Variants in PCNX1 observed in about 807,000 individuals in gnomAD.
The protein encoded by PCNX1 is pecanex-like protein 1.
In PCNX1, 78 loss-of-function variants were observed where a neutral mutation model predicts 242.2. The ratio of observed to expected loss-of-function variants is 0.32; its 90% CI spans 0.27 to 0.39. The LOEUF (loss-of-function observed/expected upper bound fraction) is 0.39, where lower values mean the gene tolerates loss of function less well. PCNX1 is among the 10% of genes least tolerant of loss of function. The probability of loss-of-function intolerance (pLI) is 1.00; values close to 1 mark genes in which losing one functional copy is unlikely to be tolerated. For synonymous variants in PCNX1, 1,024 were observed against 1,032.9 expected, an observed-to-expected ratio of 0.99 and a Z score of 0.17; for missense variants, 2,581 against 2,856.5, an observed-to-expected ratio of 0.90 and a Z score of 2.20.
Position 71,055,528 on chromosome 14 carries a change from T to TACC in PCNX1, c.4604_4606dup (p.Thr1535dup). On this transcript the variant is annotated inframe_insertion, in exon 25 of 36. Coordinates refer to ENST00000304743, the MANE Select transcript of PCNX1 (RefSeq NM_014982.3). ...GCACAAAACGAGTGGATCATTCAAA[T>TACC]ACCAGATTGGCTTCCCAGCTTGATA... 6.2e-7 allele frequency: 1 copy of TACC among 1,606,744 alleles called. No individual in the cohort carries two copies. Among genetic ancestry groups the TACC allele is most frequent in the Non-Finnish European group, 8.5e-7 (1 of 1,174,098 alleles).
intron 7 of PCNX1, among the ~76,000 whole-genome samples, chr14:70,989,805 T>C (rs1311773651): frequency 2.0e-5 from 3 of 152,186 alleles, no homozygotes; most frequent in Non-Finnish European, 4.4e-5. Flanking sequence ...GTGCTGGAAT[T>C]AGGGGCATGA....
rs1227091922 is a variant in PCNX1 at position 71,052,042 on chromosome 14, T to C, written c.4577+30T>C. The C allele has an allele frequency of 1.9e-6, 3 of 1,554,710 alleles. No individual in the cohort carries two copies. The African/African-American group carries it at 4.1e-5, about 21-fold the overall frequency. Reference sequence around the variant, plus strand: ...GTAAAGTAAAACACTTGAAAAACAATTTTTATCTTTCCTACTGGGAAAAAC... The same window carrying C: ...GTAAAGTAAAACACTTGAAAAACAACTTTTATCTTTCCTACTGGGAAAAAC... On this transcript the variant is annotated intron_variant, in intron 24 of 35. Transcript: ENST00000304743.
chr14:71,102,064 C>T lies in PCNX1; in HGVS notation c.5664C>T (p.Asn1888=). 2.5e-6 allele frequency: 4 copies of T among 1,613,834 alleles called. No homozygotes were observed. The highest frequency in any genetic ancestry group is 2.2e-5 in the East Asian group (1 of 44,884). ...LYEAIVSHEK[N]LVIAHEGDPA... ...AAGCCATAGTATCTCATGAGAAGAA[C>T]CTCGTAATAGCCCATGAAGGGGACC... The change falls in exon 31 of 36, where the codon AAC becomes AAT. Residue 1888 remains asparagine (N), a synonymous_variant. Coordinates refer to ENST00000304743, the MANE Select transcript of PCNX1 (RefSeq NM_014982.3).
chr14:71,015,001 TTTA>T (rs2059923187), intron 11 of PCNX1, among the ~76,000 whole-genome samples: 1 of 152,160 alleles, frequency 6.6e-6, no homozygotes, highest in Non-Finnish European at 1.5e-5. Context: ...AGACATCCTT[TTTA>T]TTGTTGGAAA....
intron 5 of PCNX1, among the ~76,000 whole-genome samples, chr14:70,972,863 G>A (rs1434607988): frequency 6.6e-6 from 1 of 152,194 alleles, no homozygotes; most frequent in Non-Finnish European, 1.5e-5. Context: ...CTGGGTAGAA[G>A]GTAGAGGAAC....
At chr14:71,013,432 G>A (rs2059876143) in intron 11 of PCNX1, among the ~76,000 whole-genome samples, 1 of 152,012 alleles carries the variant, frequency 6.6e-6, no homozygotes, top group Non-Finnish European at 1.5e-5. Flanking sequence ...AATTAGTTTT[G>A]TTAATCAGTG....
At position 71,076,294 on chromosome 14, in the gene PCNX1, G is replaced by T; in HGVS notation, c.5212G>T (p.Val1738Leu). The T allele has an allele frequency of 6.2e-7, 1 of 1,613,930 alleles. No individual in the cohort carries two copies. ...RLCADRNYVD[V>L]DPTFNPNIDE... ...GTGTGCTGATCGCAATTATGTCGAT[G>T]TGGACCCGACCTTTAATCCAAACAT... The change falls in exon 28 of 36, where the codon GTG becomes TTG. Residue 1738 changes from valine (V) to leucine (L), a missense_variant. By Grantham distance (32) the Val-to-Leu change is conservative. Transcript: ENST00000304743.
chr14:70,964,989 T>C (rs1201352779), intron 3 of PCNX1, among the ~76,000 whole-genome samples: 2 of 152,228 alleles, frequency 1.3e-5, no homozygotes, highest in African/African-American at 4.8e-5. Context: ...ATTATAGACA[T>C]ACTGTTGTTT....
chr14:71,030,073 G>A (rs1039685828), intron 16 of PCNX1, among the ~76,000 whole-genome samples: 2 of 152,102 alleles, frequency 1.3e-5, no homozygotes, highest in East Asian at 1.9e-4. Flanking sequence ...TCGTTGTGCT[G>A]GACATCTTTT....
intron 1 of PCNX1, among the ~76,000 whole-genome samples, chr14:70,936,049 G>C (rs1000677575): frequency 3.9e-5 from 6 of 152,110 alleles, no homozygotes; most frequent in Admixed American, 1.3e-4. Context: ...CTCAGAAAAG[G>C]CTATTCAGAG....
rs1229239778 is a variant in PCNX1 at position 70,907,993 on chromosome 14, C to T, written c.143C>T (p.Thr48Ile). The T allele has an allele frequency of 1.1e-5, 18 of 1,594,436 alleles. No individual in the cohort carries two copies. Among genetic ancestry groups the T allele is most frequent in the East Asian group, 2.4e-5 (1 of 41,852 alleles). Residue 48 changes from threonine (T) to isoleucine (I), a missense_variant, in exon 1 of 36, where the codon ACC becomes ATC. Thr to Ile is a moderately conservative substitution (Grantham distance 89, BLOSUM62 -1). This residue lies in a region of PCNX1 where 1,204 missense variants were observed against 1,216.7 expected (regional missense o/e 0.99). Transcript: ENST00000304743. Reference sequence around the variant, plus strand: ...CTCTTTCTGCTGGGCCTGCCCTTCACCCTCTACATGGTGAGTGTGGGGGCG... The same window carrying T: ...CTCTTTCTGCTGGGCCTGCCCTTCATCCTCTACATGGTGAGTGTGGGGGCG... ...LWLFLLGLPF[T>I]LYMALPSTMI...
Position 71,114,293 on chromosome 14 carries a change from T to TTGA in PCNX1, c.*4360_*4362dup, listed in dbSNP as rs2062811460. 6.6e-6 allele frequency: 1 copy of TTGA among 152,164 alleles called. No homozygotes were observed. Among genetic ancestry groups the TTGA allele is most frequent in the Non-Finnish European group, 1.5e-5 (1 of 68,032 alleles). 9.4% of individuals were successfully genotyped at this position (152,164 alleles called of 1,614,324 possible). A position where few individuals can be genotyped will look rare whatever the true frequency, so the allele number is the denominator to read the frequency against. On this transcript the variant is annotated 3_prime_UTR_variant, in exon 36 of 36. Coordinates refer to ENST00000304743, the MANE Select transcript of PCNX1 (RefSeq NM_014982.3). The stretch of plus-strand genomic sequence containing the variant: ...TCTTTTTTGTTTGTTTTTAATTTGG[T>TTGA]TGATTGATATGCACCCAGGCCGTCT...
rs36159824 is a variant in PCNX1, at chr14:70,949,193, CAT to C, written c.362+2072_362+2073del. ...ATGCTTATACATCTCAGCATTTACT[CAT>C]AGTGTGTATATACACATGTATATAT... On this transcript the variant is annotated intron_variant, in intron 2 of 35. Coordinates refer to ENST00000304743, the MANE Select transcript of PCNX1 (RefSeq NM_014982.3). Among the ~76,000 whole-genome samples the C allele has an allele frequency of 6.5e-4, 90 of 139,080 alleles. 1 individual carries two copies. The highest frequency in any genetic ancestry group is 4.1e-3 in the Middle Eastern group (1 of 246). 91.2% of individuals were successfully genotyped at this position (139,080 alleles called of 152,430 possible).
intron 2 of PCNX1, among the ~76,000 whole-genome samples, chr14:70,961,755 C>G (rs1163038067): frequency 2.0e-5 from 3 of 152,134 alleles, no homozygotes; most frequent in East Asian, 3.9e-4. Flanking sequence ...GGCGACTGTT[C>G]TCTTGTGTGT....
intron 2 of PCNX1, among the ~76,000 whole-genome samples, chr14:70,949,011 G>A (rs550660870): frequency 7.6e-5 from 11 of 143,812 alleles, no homozygotes; most frequent in South Asian, 4.4e-4. Flanking sequence ...TTATTTACTC[G>A]TATAAATAAA....
At chr14:71,059,135 G>GGGT in intron 26 of PCNX1, among the ~76,000 whole-genome samples, 1 of 152,208 alleles carries the variant, frequency 6.6e-6, no homozygotes, top group Non-Finnish European at 1.5e-5. Context: ...ATGAAAGGGG[G>GGGT]GGTGGTTCTT....
At chr14:70,955,108 G>T in intron 2 of PCNX1, among the ~76,000 whole-genome samples, 1 of 152,064 alleles carries the variant, frequency 6.6e-6, no homozygotes, top group South Asian at 2.1e-4. Context: ...GGTAAAAAAT[G>T]GTTCAATCTT....
intron 1 of PCNX1, among the ~76,000 whole-genome samples, chr14:70,908,298 G>A (rs1189677610): frequency 5.3e-5 from 8 of 152,128 alleles, no homozygotes; most frequent in Admixed American, 3.3e-4. Context: ...CGGCCACTCG[G>A]CTAGGCCGTC....
intron 3 of PCNX1, among the ~76,000 whole-genome samples, chr14:70,963,285 G>A (rs1165019754): frequency 6.6e-6 from 1 of 152,100 alleles, no homozygotes; most frequent in Admixed American, 6.5e-5. Context: ...TTGCAGATGA[G>A]TACTTATTTA....
Sources: allele counts gnomAD v4.1 joint callset (sites outside exome capture counted in the v4.1 genomes callset), GRCh38; gene constraint gnomAD v4.1.1; regional missense constraint gnomAD v4.1.1; transcripts MANE v1.5; gene names NCBI Gene and HGNC (gene_info 2026-07-23, HGNC 2026-07-21).